Variants in ZDHHC14 observed in about 807,000 individuals in gnomAD.
The protein encoded by ZDHHC14 is palmitoyltransferase ZDHHC14.
In ZDHHC14, 16 loss-of-function variants were observed where a neutral mutation model predicts 47.7. The observed-to-expected ratio is 0.34, with a 90% CI of 0.23 to 0.51. The LOEUF (loss-of-function observed/expected upper bound fraction) is 0.51. Among genes scored for constraint, ZDHHC14 ranks in the 20% least tolerant of loss-of-function variants. ZDHHC14 has a pLI of 0.97. For synonymous variants in ZDHHC14, 293 were observed against 278.9 expected, an observed-to-expected ratio of 1.05 and a Z score of -0.50; for missense variants, 515 against 662.5, an observed-to-expected ratio of 0.78 and a Z score of 2.44.
intron 1 of ZDHHC14, among the ~76,000 whole-genome samples, chr6:157,531,939 C>T (rs566375036): frequency 2.6e-5 from 4 of 152,276 alleles, no homozygotes; most frequent in Non-Finnish European, 4.4e-5. Context: ...CCTCGTTCTG[C>T]GGGATGGGCG....
Position 157,653,555 on chromosome 6 carries a change from C to T in ZDHHC14, c.996C>T (p.Pro332=), listed in dbSNP as rs371527054. 153 of 1,613,680 alleles carry T rather than the reference C, an allele frequency of 9.5e-5. No individual in the cohort carries two copies. The highest frequency in any genetic ancestry group is 1.3e-4 in the African/African-American group (10 of 74,876). ...TCGACAGAAGAGGGTACATCCAGCC[C>T]GACACGCCGCAGCCAGCAGCACCCT... The part of the protein sequence containing the change: ...SLIDRRGYIQ[P]DTPQPAAPSN... The change falls in exon 8 of 9, where the codon CCC becomes CCT. Residue 332 remains proline (P), a synonymous_variant. Transcript: ENST00000359775.
intron 1 of ZDHHC14, among the ~76,000 whole-genome samples, chr6:157,459,720 A>G (rs1438658443): frequency 6.6e-6 from 1 of 152,140 alleles, no homozygotes; most frequent in Non-Finnish European, 1.5e-5. Flanking sequence ...ACAGCTAATG[A>G]GCAAGGTGTC....
At chr6:157,513,166 G>A (rs1433122600) in intron 1 of ZDHHC14, among the ~76,000 whole-genome samples, 2 of 152,328 alleles carry the variant, frequency 1.3e-5, no homozygotes, top group South Asian at 2.1e-4. Flanking sequence ...CAGCTTGTTC[G>A]TGACGTCTCG....
At chr6:157,471,235 G>A (rs576248029) in intron 1 of ZDHHC14, among the ~76,000 whole-genome samples, 4 of 152,324 alleles carry the variant, frequency 2.6e-5, no homozygotes, top group Non-Finnish European at 5.9e-5. Context: ...GCACTGTGAT[G>A]CTCTCCCCGC....
At position 157,675,103 on chromosome 6, in the gene ZDHHC14, C is replaced by T. The variant is rs1000014528; in HGVS notation, c.*1981C>T. ...CGTCTCTGCTCCTTGCTTTCTTCCA[C>T]CTGCTCCCCAGAGGCCCCAGGAAGG... On this transcript the variant is annotated 3_prime_UTR_variant, in exon 9 of 9. Transcript: ENST00000359775. 9 of 152,444 alleles carry T rather than the reference C, an allele frequency of 5.9e-5. No homozygotes were observed. The highest frequency in any genetic ancestry group is 4.1e-4 in the South Asian group (2 of 4,830). 9.4% of individuals were successfully genotyped at this position (152,444 alleles called of 1,614,324 possible). A position where few individuals can be genotyped will look rare whatever the true frequency, so the allele number is the denominator to read the frequency against.
At chr6:157,550,723 T>C (rs906655418) in intron 2 of ZDHHC14, among the ~76,000 whole-genome samples, 2 of 152,224 alleles carry the variant, frequency 1.3e-5, no homozygotes, top group Non-Finnish European at 2.9e-5. Flanking sequence ...AGATGTGAAA[T>C]CTCCTCTGTA....
intron 1 of ZDHHC14, among the ~76,000 whole-genome samples, chr6:157,465,105 C>CTTTTTTTTTTTTTTTTTTTTTT (rs772080368): frequency 9.8e-6 from 1 of 102,010 alleles, no homozygotes; most frequent in Non-Finnish European, 1.9e-5. Context: ...TCTCTTTCTC[C>CTTTTTTTTTTTTTTTTTTTTTT]TTTTTTTTTT....
At chr6:157,510,541 C>T (rs1312019250) in intron 1 of ZDHHC14, among the ~76,000 whole-genome samples, 3 of 152,216 alleles carry the variant, frequency 2.0e-5, no homozygotes, top group African/African-American at 7.2e-5. Context: ...CCACTGCCCT[C>T]TTCTGGAACT....
chr6:157,606,133 G>A (rs953450120), intron 3 of ZDHHC14, among the ~76,000 whole-genome samples: 3 of 152,130 alleles, frequency 2.0e-5, no homozygotes, highest in Non-Finnish European at 1.5e-5. Flanking sequence ...GCCTCAGACC[G>A]GGCATTTTCC....
chr6:157,609,944 C>T (rs1466766903), intron 3 of ZDHHC14, among the ~76,000 whole-genome samples: 1 of 152,202 alleles, frequency 6.6e-6, no homozygotes, highest in East Asian at 1.9e-4. Context: ...GGACAAAGAA[C>T]TGGGGAGTAA....
In ZDHHC14 at chr6:157,606,002, A is replaced by G. The variant is rs575091792; in HGVS notation, c.565+12856A>G. On this transcript the variant is annotated intron_variant, in intron 3 of 8. Transcript: ENST00000359775. ...AGGATTATCATGAAGTTAGCAAGAT[A>G]TATATGCTGAGTACTTTACGTGTTT... Among the ~76,000 whole-genome samples, 5 of 152,364 alleles carry G rather than the reference A, an allele frequency of 3.3e-5. No individual in the cohort carries two copies. The South Asian group carries it at 1.0e-3, about 32-fold the overall frequency.
chr6:157,518,826 C>T (rs1418387006), intron 1 of ZDHHC14, among the ~76,000 whole-genome samples: 4 of 152,224 alleles, frequency 2.6e-5, no homozygotes, highest in Admixed American at 2.6e-4. Context: ...ATTTCTCCAG[C>T]GCATTCCCAG....
intron 1 of ZDHHC14, among the ~76,000 whole-genome samples, chr6:157,383,708 A>G (rs1346560899): frequency 1.3e-5 from 2 of 152,000 alleles, no homozygotes; most frequent in East Asian, 3.9e-4. Flanking sequence ...CCCATTTCCG[A>G]TGGTATGTGC....
chr6:157,560,488 T>C (rs557110535), intron 2 of ZDHHC14, among the ~76,000 whole-genome samples: 4 of 152,352 alleles, frequency 2.6e-5, no homozygotes, highest in South Asian at 4.1e-4. Context: ...AATGAAAATA[T>C]GCAAAATACA....
At chr6:157,413,388 C>A (rs1405530129) in intron 1 of ZDHHC14, among the ~76,000 whole-genome samples, 1 of 152,176 alleles carries the variant, frequency 6.6e-6, no homozygotes, top group Non-Finnish European at 1.5e-5. Flanking sequence ...CCTCGCCTGG[C>A]ATCTTACAGG....
intron 8 of ZDHHC14, among the ~76,000 whole-genome samples, chr6:157,660,129 C>T (rs541020616): frequency 5.9e-5 from 9 of 152,110 alleles, no homozygotes; most frequent in Non-Finnish European, 1.2e-4. Context: ...TTGAGTAACT[C>T]GCTCACAGTC....
At chr6:157,456,440 C>T (rs1298522103) in intron 1 of ZDHHC14, among the ~76,000 whole-genome samples, 1 of 152,162 alleles carries the variant, frequency 6.6e-6, no homozygotes, top group Non-Finnish European at 1.5e-5. Flanking sequence ...TGGGATGTTG[C>T]CTCCCCCATG....
At chr6:157,416,900 G>A (rs1777985443) in intron 1 of ZDHHC14, among the ~76,000 whole-genome samples, 2 of 144,686 alleles carry the variant, frequency 1.4e-5, no homozygotes, top group Non-Finnish European at 3.0e-5. Context: ...TCTGCCTCCC[G>A]AGTTCAAGCG....
intron 1 of ZDHHC14, among the ~76,000 whole-genome samples, chr6:157,485,839 C>T (rs1441518880): frequency 2.6e-5 from 4 of 152,018 alleles, no homozygotes; most frequent in Admixed American, 6.5e-5. Flanking sequence ...GGTGAAACTC[C>T]GTCTCCACTA....
Sources: allele counts gnomAD v4.1 joint callset (sites outside exome capture counted in the v4.1 genomes callset), GRCh38; gene constraint gnomAD v4.1.1; transcripts MANE v1.5; gene names NCBI Gene and HGNC (gene_info 2026-07-23, HGNC 2026-07-21).